Variants in MEGF11 observed in about 807,000 individuals in gnomAD.
The protein encoded by MEGF11 is multiple epidermal growth factor-like domains protein 11.
Under a neutral mutation model 146.6 loss-of-function variants are expected in MEGF11, and 126 were observed. The ratio of observed to expected loss-of-function variants is 0.86; its 90% CI spans 0.74 to 1.00. The LOEUF (loss-of-function observed/expected upper bound fraction) is 1.00, where lower values mean the gene tolerates loss of function less well. MEGF11 is among the 50% of genes least tolerant of loss of function. MEGF11 has a pLI of 0.00. For missense variants in MEGF11, 1,509 were observed against 1,521.2 expected (o/e 0.99, Z 0.13); for synonymous variants, 532 against 583.4 (o/e 0.91, Z 1.27).
intron 5 of MEGF11, among the ~76,000 whole-genome samples, chr15:66,026,160 C>A (rs1398437456): frequency 6.6e-6 from 1 of 152,244 alleles, no homozygotes; most frequent in East Asian, 1.9e-4. Flanking sequence ...GTGCAGCCAG[C>A]ATGCAGAAGC....
At chr15:65,913,064 G>A (rs115972056) in intron 20 of MEGF11, among the ~76,000 whole-genome samples, 117 of 152,270 alleles carry the variant, frequency 7.7e-4, no homozygotes, top group African/African-American at 2.8e-3. Context: ...AAAACCTTTC[G>A]TATTTCCAAG....
intron 5 of MEGF11, among the ~76,000 whole-genome samples, chr15:66,011,561 T>A (rs2082711665): frequency 6.6e-6 from 1 of 152,070 alleles, no homozygotes; most frequent in Admixed American, 6.5e-5. Context: ...CCCAGACAAG[T>A]CACTCGGGCA....
At chr15:66,073,123 G>C (rs554302503) in intron 5 of MEGF11, among the ~76,000 whole-genome samples, 3 of 152,240 alleles carry the variant, frequency 2.0e-5, no homozygotes, top group Non-Finnish European at 4.4e-5. Flanking sequence ...ATCTAAGACA[G>C]ACACTTCCTG....
chr15:66,068,231 G>A (rs1180048250), intron 5 of MEGF11, among the ~76,000 whole-genome samples: 1 of 152,192 alleles, frequency 6.6e-6, no homozygotes, highest in Non-Finnish European at 1.5e-5. Context: ...GTAGGTACCT[G>A]ATATATAAAT....
intron 1 of MEGF11, among the ~76,000 whole-genome samples, chr15:66,182,483 T>C (rs56007700): frequency 0.098 from 14,864 of 152,194 alleles, 1,013 homozygotes; most frequent in African/African-American, 0.19. Flanking sequence ...GTCACTTCCT[T>C]CTGAGGAGTT....
At chr15:66,146,624 G>A (rs1020860105) in intron 1 of MEGF11, among the ~76,000 whole-genome samples, 1 of 152,202 alleles carries the variant, frequency 6.6e-6, no homozygotes, top group Non-Finnish European at 1.5e-5. Context: ...TGGGGACCCC[G>A]CTGAGCACAG....
chr15:66,100,570 A>G (rs2086751199), intron 4 of MEGF11, among the ~76,000 whole-genome samples: 1 of 152,228 alleles, frequency 6.6e-6, no homozygotes, highest in African/African-American at 2.4e-5. Flanking sequence ...AAACATGGAC[A>G]ATGGTCCCTT....
chr15:66,245,701 C>T (rs1485879359), intron 1 of MEGF11, among the ~76,000 whole-genome samples: 3 of 151,986 alleles, frequency 2.0e-5, no homozygotes, highest in Non-Finnish European at 4.4e-5. Flanking sequence ...AAAATGGCTC[C>T]CAGAGCAACA....
chr15:66,079,255 C>G (rs2085730857), intron 5 of MEGF11, among the ~76,000 whole-genome samples: 1 of 152,154 alleles, frequency 6.6e-6, no homozygotes, highest in Non-Finnish European at 1.5e-5. Flanking sequence ...CTTGGGGGGA[C>G]AGATGAGGAC....
intron 5 of MEGF11, among the ~76,000 whole-genome samples, chr15:65,987,012 C>T (rs1172355643): frequency 6.6e-6 from 1 of 152,034 alleles, no homozygotes; most frequent in Admixed American, 6.6e-5. Context: ...AAGTGTGTGG[C>T]CCGGCTTGTT....
In MEGF11 at chr15:66,099,204, C is replaced by CT. The variant is rs10683767; in HGVS notation, c.302-4711dup. Reference sequence around the variant, plus strand: ...CCCATCCCTCCCACCCCTCCTTTTTCTTTTTTTTTTTTTTTTTTGATATGG... The same window carrying CT: ...CCCATCCCTCCCACCCCTCCTTTTTCTTTTTTTTTTTTTTTTTTTGATATGG... On this transcript the variant is annotated intron_variant, in intron 4 of 25. Coordinates refer to ENST00000395614, the MANE Select transcript of MEGF11 (RefSeq NM_001385028.1). Among the ~76,000 whole-genome samples the CT allele has an allele frequency of 4.7e-4, 50 of 105,836 alleles. 1 individual carries two copies. Among genetic ancestry groups the CT allele is most frequent in the African/African-American group, 1.6e-3 (46 of 28,390 alleles). 69.4% of individuals were successfully genotyped at this position (105,836 alleles called of 152,430 possible).
chr15:65,968,756 G>A (rs553447391), intron 8 of MEGF11, among the ~76,000 whole-genome samples: 1 of 152,198 alleles, frequency 6.6e-6, no homozygotes, highest in Non-Finnish European at 1.5e-5. Flanking sequence ...GTCCAATATT[G>A]CCATTAACAA....
intron 5 of MEGF11, among the ~76,000 whole-genome samples, chr15:66,051,173 T>C (rs1304429552): frequency 6.6e-6 from 1 of 152,222 alleles, no homozygotes; most frequent in African/African-American, 2.4e-5. Context: ...ATTATTATTT[T>C]ATTATTGTTA....
chr15:66,184,661 A>G (rs1209740786), intron 1 of MEGF11, among the ~76,000 whole-genome samples: 1 of 133,950 alleles, frequency 7.5e-6, no homozygotes, highest in Non-Finnish European at 1.6e-5. Context: ...CCTCCCACCT[A>G]CTCCCCCTCA....
intron 13 of MEGF11, among the ~76,000 whole-genome samples, chr15:65,926,742 C>CTG (rs1411835033): frequency 4.6e-5 from 7 of 152,190 alleles, no homozygotes; most frequent in African/African-American, 1.7e-4. Context: ...AGAGGCCTTG[C>CTG]TGAAAGGTGG....
intron 5 of MEGF11, among the ~76,000 whole-genome samples, chr15:65,990,178 T>C (rs2081985012): frequency 6.6e-6 from 1 of 152,092 alleles, no homozygotes; most frequent in African/African-American, 2.4e-5. Flanking sequence ...ACCACTGCTC[T>C]CCAGCTGTGC....
At chr15:65,907,676 T>C (rs1035827727) in intron 23 of MEGF11, among the ~76,000 whole-genome samples, 2 of 152,246 alleles carry the variant, frequency 1.3e-5, no homozygotes, top group African/African-American at 4.8e-5. Flanking sequence ...TATGCTGGCA[T>C]TAGTTCAGCA....
At chr15:65,944,994 G>A (rs1276465621) in intron 10 of MEGF11, among the ~76,000 whole-genome samples, 3 of 151,612 alleles carry the variant, frequency 2.0e-5, no homozygotes, top group Non-Finnish European at 2.9e-5. Context: ...CATCTCCCGG[G>A]TTCAAGTGAT....
chr15:66,148,533 AG>A (rs1322394536), intron 1 of MEGF11, among the ~76,000 whole-genome samples: 1 of 152,198 alleles, frequency 6.6e-6, no homozygotes, highest in Non-Finnish European at 1.5e-5. Context: ...CTGGGGCCCC[AG>A]GTCCCTCTGT....
Sources: allele counts gnomAD v4.1 joint callset (sites outside exome capture counted in the v4.1 genomes callset), GRCh38; gene constraint gnomAD v4.1.1; transcripts MANE v1.5; gene names NCBI Gene and HGNC (gene_info 2026-07-23, HGNC 2026-07-21).